Variants in GPC6 observed in about 807,000 individuals in gnomAD.
The protein encoded by GPC6 is glypican-6.
In GPC6, 14 loss-of-function variants were observed where a neutral mutation model predicts 55.2. That is an observed-to-expected ratio of 0.25 (90% CI 0.17 to 0.40). The LOEUF (loss-of-function observed/expected upper bound fraction) is 0.40. GPC6 is among the 10% of genes least tolerant of loss of function. The pLI is 1.00. For synonymous variants in GPC6, 278 were observed against 259.6 expected, an observed-to-expected ratio of 1.07 and a Z score of -0.68; for missense variants, 641 against 708.5, an observed-to-expected ratio of 0.90 and a Z score of 1.08.
At chr13:93,547,489 C>T (rs1874870884) in intron 2 of GPC6, among the ~76,000 whole-genome samples, 3 of 152,184 alleles carry the variant, frequency 2.0e-5, no homozygotes, top group Admixed American at 2.0e-4. Context: ...AGAAACCTCT[C>T]TCCACTCTCT....
At chr13:93,625,986 G>T (rs1879183985) in intron 2 of GPC6, among the ~76,000 whole-genome samples, 1 of 151,760 alleles carries the variant, frequency 6.6e-6, no homozygotes, top group Non-Finnish European at 1.5e-5. Context: ...CTGCTATAAT[G>T]CTTGTTTAGA....
At chr13:94,147,243 C>G (rs1353538558) in intron 4 of GPC6, among the ~76,000 whole-genome samples, 1 of 152,112 alleles carries the variant, frequency 6.6e-6, no homozygotes, top group Non-Finnish European at 1.5e-5. Flanking sequence ...TTTCCTATCT[C>G]AACTCTCCTT....
chr13:93,715,769 C>T (rs1170545470), intron 2 of GPC6, among the ~76,000 whole-genome samples: 2 of 151,650 alleles, frequency 1.3e-5, no homozygotes, highest in Non-Finnish European at 3.0e-5. Context: ...TTTTAAACTA[C>T]ATTGGCATAT....
At chr13:93,405,532 T>G (rs1302818719) in intron 1 of GPC6, among the ~76,000 whole-genome samples, 1 of 152,196 alleles carries the variant, frequency 6.6e-6, no homozygotes, top group Non-Finnish European at 1.5e-5. Flanking sequence ...TGTAATGCTT[T>G]TATCATTTTG....
intron 2 of GPC6, among the ~76,000 whole-genome samples, chr13:93,698,972 G>C (rs1196797012): frequency 2.0e-5 from 3 of 152,022 alleles, no homozygotes; most frequent in Non-Finnish European, 2.9e-5. Context: ...ATAATTCTGT[G>C]CTTCAAGAAC....
At chr13:93,951,354 C>G (rs117442912) in intron 3 of GPC6, among the ~76,000 whole-genome samples, 3,673 of 152,206 alleles carry the variant, frequency 0.024, 58 homozygotes, top group Middle Eastern at 0.051. Flanking sequence ...TTGGAGCCCT[C>G]TAGAGCAGGT....
intron 4 of GPC6, among the ~76,000 whole-genome samples, chr13:94,159,768 T>A (rs1248396456): frequency 6.6e-6 from 1 of 152,222 alleles, no homozygotes; most frequent in Admixed American, 6.5e-5. Flanking sequence ...GCTCAATAAA[T>A]GGTCACTAGT....
At chr13:94,123,565 A>G (rs903122407) in intron 4 of GPC6, among the ~76,000 whole-genome samples, 2 of 152,088 alleles carry the variant, frequency 1.3e-5, no homozygotes, top group South Asian at 2.1e-4. Flanking sequence ...ATATGATGGT[A>G]TAAATATCAT....
chr13:93,957,695 T>C (rs975562652), intron 3 of GPC6, among the ~76,000 whole-genome samples: 4 of 152,194 alleles, frequency 2.6e-5, no homozygotes, highest in African/African-American at 9.7e-5. Context: ...ATGAGTGCAA[T>C]ATGTTTTTGG....
chr13:93,356,485 TC>T (rs1334077536), intron 1 of GPC6, among the ~76,000 whole-genome samples: 2 of 152,198 alleles, frequency 1.3e-5, no homozygotes, highest in African/African-American at 2.4e-5. Context: ...AGGGCAAGGT[TC>T]CTCATTTGAT....
chr13:94,238,834 G>A, intron 4 of GPC6, among the ~76,000 whole-genome samples: 1 of 152,046 alleles, frequency 6.6e-6, no homozygotes, highest in East Asian at 1.9e-4. Flanking sequence ...AAGGAGATTG[G>A]GAGAATCTCG....
intron 4 of GPC6, among the ~76,000 whole-genome samples, chr13:94,135,224 A>T (rs573677414): frequency 8.7e-5 from 13 of 149,650 alleles, no homozygotes; most frequent in Admixed American, 6.7e-5. Flanking sequence ...TGTATTACAG[A>T]TTAGCTTTAT....
chr13:94,001,623 T>C (rs546932117), intron 3 of GPC6, among the ~76,000 whole-genome samples: 2 of 152,308 alleles, frequency 1.3e-5, no homozygotes, highest in South Asian at 2.1e-4. Context: ...TTGTTGTGCG[T>C]TGGCACAATG....
At chr13:93,468,377 C>G (rs551627255) in intron 1 of GPC6, among the ~76,000 whole-genome samples, 237 of 152,054 alleles carry the variant, frequency 1.6e-3, no homozygotes, top group African/African-American at 5.2e-3. Context: ...TATTGAATGT[C>G]ATTTCTTTTA....
At chr13:93,730,194 A>G (rs957033200) in intron 2 of GPC6, among the ~76,000 whole-genome samples, 8 of 152,148 alleles carry the variant, frequency 5.3e-5, no homozygotes, top group Non-Finnish European at 1.2e-4. Flanking sequence ...GCTCACATCA[A>G]CTTTCTCTGA....
intron 1 of GPC6, among the ~76,000 whole-genome samples, chr13:93,441,895 G>A (rs1185265806): frequency 6.6e-6 from 1 of 152,154 alleles, no homozygotes; most frequent in Non-Finnish European, 1.5e-5. Flanking sequence ...GTGAAGACAA[G>A]TTATGGGCAT....
chr13:94,158,793 G>A lies in GPC6; in HGVS notation c.878-127556G>A, dbSNP rs1002982881. 3.9e-5 allele frequency among the ~76,000 whole-genome samples: 6 copies of A among 152,110 alleles called. No individual in the cohort carries two copies. In the South Asian group the frequency reaches 1.0e-3, roughly 26 times the overall value. Reference sequence around the variant, plus strand: ...GTTAGGTCTGGGTTCACACCTCAGCGCATCCATTTGCTACTACAATCTTGG... The same window carrying A: ...GTTAGGTCTGGGTTCACACCTCAGCACATCCATTTGCTACTACAATCTTGG... On this transcript the variant is annotated intron_variant, in intron 4 of 8. Transcript: ENST00000377047.
At chr13:93,980,125 C>A (rs1363389722) in intron 3 of GPC6, among the ~76,000 whole-genome samples, 2 of 152,124 alleles carry the variant, frequency 1.3e-5, no homozygotes, top group Non-Finnish European at 2.9e-5. Context: ...TACTACAACA[C>A]TTCCATAAAA....
intron 3 of GPC6, among the ~76,000 whole-genome samples, chr13:94,023,629 T>A (rs1882786776): frequency 1.3e-5 from 2 of 152,096 alleles, no homozygotes; most frequent in African/African-American, 2.4e-5. Flanking sequence ...CTTGGGCATT[T>A]CTTTCAGAGA....
Sources: allele counts gnomAD v4.1 joint callset (sites outside exome capture counted in the v4.1 genomes callset), GRCh38; gene constraint gnomAD v4.1.1; transcripts MANE v1.5; gene names NCBI Gene and HGNC (gene_info 2026-07-23, HGNC 2026-07-21).